Variants in POMK observed in about 807,000 individuals in gnomAD.
The protein encoded by POMK is protein O-mannose kinase, also known as Sugen kinase 196.
A neutral mutation model predicts 23.0 loss-of-function variants in POMK; 19 were observed. That is an observed-to-expected ratio of 0.83 (90% CI 0.58 to 1.21). The LOEUF (loss-of-function observed/expected upper bound fraction) is 1.21, where lower values mean the gene tolerates loss of function less well. Among genes scored for constraint, POMK ranks in the 50% most tolerant of loss-of-function variants. POMK has a pLI of 0.00. For missense variants in POMK, 410 were observed against 431.3 expected, an observed-to-expected ratio of 0.95 and a Z score of 0.44; for synonymous variants, 173 against 171.6, an observed-to-expected ratio of 1.01 and a Z score of -0.06.
At chr8:43,106,925 AG>A (rs1333455766) in intron 4 of POMK, among the ~76,000 whole-genome samples, 1 of 152,126 alleles carries the variant, frequency 6.6e-6, no homozygotes, top group Non-Finnish European at 1.5e-5. Context: ...TCATGCTGAC[AG>A]GGGGCATAGT....
intron 4 of POMK, among the ~76,000 whole-genome samples, chr8:43,109,622 A>G (rs772691524): frequency 2.0e-5 from 3 of 152,046 alleles, no homozygotes; most frequent in African/African-American, 4.8e-5. Flanking sequence ...GGCTCACTGC[A>G]GCCTCCATCT....
rs1811882708 is a variant in POMK, at chr8:43,120,131, G to A, written c.283-1976G>A. 2.0e-5 allele frequency among the ~76,000 whole-genome samples: 3 copies of A among 151,512 alleles called. No homozygotes were observed. The South Asian group carries it at 6.3e-4, about 32-fold the overall frequency. On this transcript the variant is annotated intron_variant, in intron 4 of 4. Transcript: ENST00000331373. ...AGCATATTTCCTTTGATTTCCATGT[G>A]CTGTAATTTAAATTTGTCTCGTTTT...
At chr8:43,093,643 G>C (rs1586667202) in intron 1 of POMK, 80 bp downstream of exon 1, 1 of 153,036 alleles carries the variant, frequency 6.5e-6, no homozygotes, top group East Asian at 1.9e-4. Flanking sequence ...CCTGTACGTG[G>C]CCTGGGCCGC....
intron 4 of POMK, 28 bp from the exon 5 acceptor site, chr8:43,122,079 C>G (rs540817131): frequency 6.9e-6 from 11 of 1,604,918 alleles, no homozygotes; most frequent in Middle Eastern, 1.7e-4. Context: ...AGAGTTCAGG[C>G]CTGATGCTCT....
At chr8:43,103,173 C>T (rs1057285966) in intron 3 of POMK, among the ~76,000 whole-genome samples, 1 of 152,200 alleles carries the variant, frequency 6.6e-6, no homozygotes, top group African/African-American at 2.4e-5. Context: ...CTTTGTCCAC[C>T]CTCTGTCCCT....
At chr8:43,116,577 TC>T (rs1201396285) in intron 4 of POMK, among the ~76,000 whole-genome samples, 1 of 152,228 alleles carries the variant, frequency 6.6e-6, no homozygotes, top group African/African-American at 2.4e-5. Flanking sequence ...CTAATTATTT[TC>T]TGGATCTTGT....
intron 4 of POMK, among the ~76,000 whole-genome samples, chr8:43,114,478 G>T (rs1019416117): frequency 9.2e-5 from 14 of 152,208 alleles, no homozygotes; most frequent in Non-Finnish European, 1.8e-4. Context: ...GCAGTATTAG[G>T]GTGGGAGTGC....
chr8:43,113,957 T>A (rs529123111), intron 4 of POMK, among the ~76,000 whole-genome samples: 302 of 152,356 alleles, frequency 2.0e-3, no homozygotes, highest in African/African-American at 7.1e-3. Context: ...TGCTGTCTGA[T>A]CGTTCCTCTG....
intron 2 of POMK, among the ~76,000 whole-genome samples, chr8:43,101,377 C>T (rs1475315409): frequency 6.8e-6 from 1 of 147,008 alleles, no homozygotes; most frequent in Non-Finnish European, 1.5e-5. Flanking sequence ...ATGATTGCAC[C>T]ACTGCACTCC....
rs562909819 is a variant in POMK at position 43,117,919 on chromosome 8, C to T, written c.283-4188C>T. ...CTACCTAGCTTATAAAATATTTGTG[C>T]ATGTACATAGACATGTAAATATAAG... On this transcript the variant is annotated intron_variant, in intron 4 of 4. Coordinates refer to ENST00000331373, the MANE Select transcript of POMK (RefSeq NM_032237.5). Among the ~76,000 whole-genome samples, 29 of 152,180 alleles carry T rather than the reference C, an allele frequency of 1.9e-4. No homozygotes were observed. The South Asian group carries it at 6.0e-3, about 32-fold the overall frequency.
At chr8:43,094,193 C>T (rs7463608) in intron 1 of POMK, among the ~76,000 whole-genome samples, 112,449 of 152,168 alleles carry the variant, frequency 0.74, 43,876 homozygotes, top group Non-Finnish European at 0.87. Flanking sequence ...TCCGCCACCA[C>T]GCCCGGCTAA....
chr8:43,106,344 A>G (rs1012207148), intron 4 of POMK, among the ~76,000 whole-genome samples: 3 of 151,360 alleles, frequency 2.0e-5, no homozygotes, highest in Admixed American at 2.0e-4. Flanking sequence ...TCATATTGTT[A>G]TTTTTTTCTG....
chr8:43,109,813 T>C (rs1034083798), intron 4 of POMK, among the ~76,000 whole-genome samples: 1 of 152,176 alleles, frequency 6.6e-6, no homozygotes, highest in Admixed American at 6.5e-5. Context: ...AGTGTTGGTA[T>C]AACAGGCGTG....
chr8:43,118,323 G>A (rs1384888983), intron 4 of POMK, among the ~76,000 whole-genome samples: 4 of 152,212 alleles, frequency 2.6e-5, no homozygotes, highest in African/African-American at 4.8e-5. Flanking sequence ...ATGTTATAAC[G>A]CCATTAGTAT....
At chr8:43,105,333 GC>G (rs1234379557) in intron 4 of POMK, among the ~76,000 whole-genome samples, 1 of 152,062 alleles carries the variant, frequency 6.6e-6, no homozygotes, top group East Asian at 1.9e-4. Flanking sequence ...GCCTATCCTC[GC>G]CTTTGCTCTA....
intron 4 of POMK, among the ~76,000 whole-genome samples, chr8:43,112,890 G>A (rs910279971): frequency 2.0e-5 from 3 of 152,162 alleles, no homozygotes; most frequent in Non-Finnish European, 2.9e-5. Flanking sequence ...CACCAGGCCT[G>A]CCCTAAAAGA....
chr8:43,107,574 C>T (rs1397156830), intron 4 of POMK, among the ~76,000 whole-genome samples: 1 of 151,980 alleles, frequency 6.6e-6, no homozygotes, highest in Non-Finnish European at 1.5e-5. Context: ...AGGGTTTCAC[C>T]ACGTTGGTCA....
At chr8:43,109,744 T>C (rs1329773313) in intron 4 of POMK, among the ~76,000 whole-genome samples, 1 of 151,990 alleles carries the variant, frequency 6.6e-6, no homozygotes, top group Non-Finnish European at 1.5e-5. Context: ...GGTTTCACTA[T>C]GTTGGCCAGG....
chr8:43,116,924 G>A (rs969526206), intron 4 of POMK, among the ~76,000 whole-genome samples: 3 of 152,080 alleles, frequency 2.0e-5, no homozygotes, highest in Non-Finnish European at 4.4e-5. Flanking sequence ...ATAGGGGTAG[G>A]GCCATTTTTA....
Sources: gnomAD v4.1 joint callset for allele counts (sites outside exome capture counted in the v4.1 genomes callset) on GRCh38, gnomAD v4.1.1 for gene constraint, MANE v1.5 for transcripts, NCBI Gene and HGNC (gene_info 2026-07-23, HGNC 2026-07-21) for gene names.